Variants in STAG1 observed in about 807,000 individuals in gnomAD.
STAG1 encodes STAG1 cohesin complex component.
Under a neutral mutation model 170.9 loss-of-function variants are expected in STAG1, and 26 were observed. The ratio of observed to expected loss-of-function variants is 0.15; its 90% CI spans 0.11 to 0.21. The LOEUF (loss-of-function observed/expected upper bound fraction) is 0.21. Ranked by LOEUF, STAG1 falls within the 10% of genes least tolerant of loss-of-function variation. The pLI is 1.00. For missense variants in STAG1, 964 were observed against 1,509.5 expected (o/e 0.64, Z 5.99); for synonymous variants, 514 against 497.7 (o/e 1.03, Z -0.44).
chr3:136,615,356 A>G (rs1180746624), intron 3 of STAG1, among the ~76,000 whole-genome samples: 1 of 150,998 alleles, frequency 6.6e-6, no homozygotes, highest in East Asian at 1.9e-4. Context: ...CTTTTTCATA[A>G]AATGGCATTG....
Position 136,349,199 on chromosome 3 carries a change from T to C in STAG1, c.3230A>G (p.Asn1077Ser), listed in dbSNP as rs1018068543. 6.2e-7 allele frequency: 1 copy of C among 1,614,058 alleles called. No homozygotes were observed. The highest frequency in any genetic ancestry group is 1.3e-5 in the African/African-American group (1 of 74,948). Residue 1077 changes from asparagine to serine, a missense_variant, in exon 29 of 34, where the codon AAT (asparagine) becomes AGT (serine). Physicochemically the swap from Asn to Ser is conservative, Grantham distance 46. Coordinates refer to ENST00000383202, the MANE Select transcript of STAG1 (RefSeq NM_005862.3). ...SSSSKTSSVR[N>S]KKGRPPLHKK... ...ATGAAGTGGAGGTCGTCCTTTCTTA[T>C]TCCTTACTGATGAGGTTTTGCTGCT...
intron 7 of STAG1, among the ~76,000 whole-genome samples, chr3:136,506,188 G>T (rs776744626): frequency 9.9e-5 from 15 of 152,154 alleles, no homozygotes; most frequent in Non-Finnish European, 1.8e-4. Context: ...GACTAAATAG[G>T]AGCAGTGAGG....
intron 6 of STAG1, among the ~76,000 whole-genome samples, chr3:136,540,439 C>T (rs1935835391): frequency 6.6e-6 from 1 of 152,042 alleles, no homozygotes; most frequent in Non-Finnish European, 1.5e-5. Context: ...AGTAATTTCA[C>T]TTGCAACGTA....
At chr3:136,446,707 G>A (rs936985694) in intron 14 of STAG1, among the ~76,000 whole-genome samples, 1 of 151,686 alleles carries the variant, frequency 6.6e-6, no homozygotes, top group Non-Finnish European at 1.5e-5. Context: ...ACAGGCATGA[G>A]TCACAGTGCC....
chr3:136,470,193 C>T (rs908396624), intron 12 of STAG1, among the ~76,000 whole-genome samples: 2 of 152,166 alleles, frequency 1.3e-5, no homozygotes, highest in African/African-American at 4.8e-5. Flanking sequence ...TCAGAGTGAA[C>T]AGGCAACCTA....
At chr3:136,429,253 A>G (rs2088223324) in intron 16 of STAG1, among the ~76,000 whole-genome samples, 1 of 152,186 alleles carries the variant, frequency 6.6e-6, no homozygotes, top group Non-Finnish European at 1.5e-5. Flanking sequence ...CTAAAAATAC[A>G]AAAACTAGCT....
intron 4 of STAG1, among the ~76,000 whole-genome samples, chr3:136,570,143 A>G (rs1937215149): frequency 6.6e-6 from 1 of 152,210 alleles, no homozygotes; most frequent in African/African-American, 2.4e-5. Flanking sequence ...CTGTGTAACC[A>G]CAACCAAGAT....
intron 22 of STAG1, among the ~76,000 whole-genome samples, chr3:136,392,141 T>A (rs573133251): frequency 4.7e-4 from 72 of 152,258 alleles, no homozygotes; most frequent in African/African-American, 1.7e-3. Context: ...ACCTTAAAAG[T>A]ATATACAATC....
chr3:136,360,127 A>C (rs1936804252), intron 26 of STAG1, among the ~76,000 whole-genome samples: 2 of 152,214 alleles, frequency 1.3e-5, no homozygotes, highest in African/African-American at 4.8e-5. Flanking sequence ...AGAACCCTGG[A>C]GGTAATATAC....
At chr3:136,432,209 A>G (rs759972019) in intron 16 of STAG1, among the ~76,000 whole-genome samples, 17 of 152,078 alleles carry the variant, frequency 1.1e-4, no homozygotes, top group Non-Finnish European at 2.4e-4. Context: ...TACTCAGTTA[A>G]TTTTAAATTT....
In STAG1 at chr3:136,452,150, G is replaced by T; in HGVS notation, c.1314-3C>A. 1 of 1,602,236 alleles carries T rather than the reference G, an allele frequency of 6.2e-7. No individual in the cohort carries two copies. Among genetic ancestry groups the T allele is most frequent in the Non-Finnish European group, 8.5e-7 (1 of 1,172,078 alleles). On this transcript the variant is annotated splice_region_variant and splice_polypyrimidine_tract_variant and intron_variant, in intron 13 of 33. Coordinates refer to ENST00000383202, the MANE Select transcript of STAG1 (RefSeq NM_005862.3). ...GTGGGTCATGTCTGCTAAATAGCCT[G>T]GAAATGAAAAACAGGGCATTGCAAA...
At chr3:136,364,506 G>A (rs1374476744) in intron 25 of STAG1, among the ~76,000 whole-genome samples, 2 of 151,684 alleles carry the variant, frequency 1.3e-5, no homozygotes, top group African/African-American at 4.9e-5. Flanking sequence ...CTTCTGGGGG[G>A]TGGGCCTAAA....
rs556323422 is a variant in STAG1 at position 136,637,304 on chromosome 3, G to A, written c.-83-6323C>T. Among the ~76,000 whole-genome samples the A allele has an allele frequency of 2.6e-5, 4 of 152,194 alleles. No homozygotes were observed. The South Asian group carries it at 6.2e-4, about 24-fold the overall frequency. The stretch of plus-strand genomic sequence containing the variant: ...TTCCAAGTTGCACAGCAATTCACAC[G>A]AAAAGATAAATAAGTAGGAAACATT... On this transcript the variant is annotated intron_variant, in intron 1 of 33. Transcript: ENST00000383202.
At chr3:136,594,372 T>A (rs1938323845) in intron 4 of STAG1, among the ~76,000 whole-genome samples, 1 of 152,166 alleles carries the variant, frequency 6.6e-6, no homozygotes, top group Non-Finnish European at 1.5e-5. Context: ...CAAAGCTTAC[T>A]AACCCTAAGG....
chr3:136,465,217 T>A (rs922443423), intron 12 of STAG1, among the ~76,000 whole-genome samples: 8 of 139,372 alleles, frequency 5.7e-5, no homozygotes, highest in Non-Finnish European at 1.2e-4. Flanking sequence ...ACAATTCTTC[T>A]ACAGCTTTTT....
At chr3:136,459,523 C>T (rs1484441372) in intron 13 of STAG1, among the ~76,000 whole-genome samples, 1 of 152,116 alleles carries the variant, frequency 6.6e-6, no homozygotes, top group Non-Finnish European at 1.5e-5. Flanking sequence ...ACCAAATGGA[C>T]CTAACATACA....
intron 3 of STAG1, among the ~76,000 whole-genome samples, chr3:136,621,737 CAA>C (rs1464236566): frequency 7.3e-5 from 11 of 151,558 alleles, no homozygotes; most frequent in African/African-American, 1.2e-4. Flanking sequence ...TTCTGGCAAA[CAA>C]GAGGGAAAAA....
Position 136,598,996 on chromosome 3 carries a change from A to T in STAG1, c.297+5313T>A, listed in dbSNP as rs566463274. Among the ~76,000 whole-genome samples, 3 of 152,322 alleles carry T rather than the reference A, an allele frequency of 2.0e-5. No homozygotes were observed. The East Asian group carries it at 5.8e-4, about 29-fold the overall frequency. On this transcript the variant is annotated intron_variant, in intron 4 of 33. Transcript: ENST00000383202. ...TTTGTCTGGAAATTTCTCCAAAATT[A>T]TCTCTTCAAAAATTGTATCTAAGAC...
At chr3:136,731,820 G>A (rs1934059642) in intron 1 of STAG1, among the ~76,000 whole-genome samples, 1 of 152,150 alleles carries the variant, frequency 6.6e-6, no homozygotes, top group Non-Finnish European at 1.5e-5. Flanking sequence ...CCTGGCACCA[G>A]AAACTATAAG....
Sources: gnomAD v4.1 joint callset for allele counts (sites outside exome capture counted in the v4.1 genomes callset) on GRCh38, gnomAD v4.1.1 for gene constraint, MANE v1.5 for transcripts, NCBI Gene and HGNC (gene_info 2026-07-23, HGNC 2026-07-21) for gene names.